The following CADM2 variants were observed in gnomAD, a reference collection of about 807,000 sequenced individuals.
The protein encoded by CADM2 is cell adhesion molecule 2.
A neutral mutation model predicts 49.8 loss-of-function variants in CADM2; 12 were observed. The observed-to-expected ratio is 0.24, with a 90% CI of 0.15 to 0.39. CADM2 has a LOEUF of 0.39. Ranked by LOEUF, CADM2 falls within the 10% of genes least tolerant of loss-of-function variation. CADM2 has a pLI of 1.00. For missense variants in CADM2, 378 were observed against 492.3 expected (o/e 0.77, Z 2.20); for synonymous variants, 214 against 175.4 (o/e 1.22, Z -1.74).
At chr3:85,554,436 G>A (rs1043196811) in intron 1 of CADM2, among the ~76,000 whole-genome samples, 2 of 149,500 alleles carry the variant, frequency 1.3e-5, no homozygotes, top group East Asian at 1.9e-4. Flanking sequence ...CCTGTTCTAG[G>A]CGTTCTTGGA....
intron 1 of CADM2, among the ~76,000 whole-genome samples, chr3:85,502,442 T>TA (rs1268518644): frequency 1.4e-4 from 21 of 151,970 alleles, no homozygotes; most frequent in African/African-American, 4.8e-4. Context: ...CAGGTCAGAT[T>TA]AAACTAGCTA....
chr3:85,512,007 T>G (rs1559878541), intron 1 of CADM2: 4 of 379,042 alleles, frequency 1.1e-5, no homozygotes, highest in Non-Finnish European at 1.4e-5. Flanking sequence ...TTTAAAATTT[T>G]TTTCAACTCT....
At chr3:85,098,676 A>C (rs2037896963) in intron 1 of CADM2, among the ~76,000 whole-genome samples, 1 of 152,210 alleles carries the variant, frequency 6.6e-6, no homozygotes, top group Admixed American at 6.5e-5. Context: ...TATTGGTTCC[A>C]GGATCACCCA....
intron 7 of CADM2, among the ~76,000 whole-genome samples, chr3:85,941,431 G>T (rs1346262824): frequency 6.6e-6 from 1 of 152,036 alleles, no homozygotes. Context: ...AAGGAATCCA[G>T]ACCGAAGTCA....
At chr3:85,489,462 T>C (rs576223607) in intron 1 of CADM2, among the ~76,000 whole-genome samples, 1 of 152,266 alleles carries the variant, frequency 6.6e-6, no homozygotes, top group African/African-American at 2.4e-5. Context: ...TCAATATACA[T>C]TTCTGCATTG....
chr3:85,427,353 T>C (rs960383626), intron 1 of CADM2, among the ~76,000 whole-genome samples: 2 of 151,904 alleles, frequency 1.3e-5, no homozygotes, highest in African/African-American at 2.4e-5. Flanking sequence ...TAAAATTGTC[T>C]TATGAGAAGA....
At position 85,005,019 on chromosome 3, in the gene CADM2, T is replaced by C. The variant is rs141828123; in HGVS notation, c.61+45351T>C. ...GCTCAAAAGAACTGTCAGTCTAATA[T>C]CATGAGAAACAACCTTTAATATCAG... On this transcript the variant is annotated intron_variant, in intron 1 of 9. Transcript: ENST00000383699. 6.3e-3 allele frequency among the ~76,000 whole-genome samples: 966 copies of C among 152,238 alleles called. 16 individuals are homozygous for C. The highest frequency in any genetic ancestry group is 0.022 in the African/African-American group (924 of 41,552).
chr3:85,155,048 C>G (rs1208682866), intron 1 of CADM2, among the ~76,000 whole-genome samples: 4 of 147,822 alleles, frequency 2.7e-5, no homozygotes, highest in Non-Finnish European at 4.4e-5. Context: ...GCAAAATAAC[C>G]AGCTAACATC....
At chr3:85,559,678 AC>A (rs5850697) in intron 1 of CADM2, among the ~76,000 whole-genome samples, 24,562 of 99,768 alleles carry the variant, frequency 0.25, 2,164 homozygotes, top group East Asian at 0.49. Context: ...ACACACACAC[AC>A]ACACACACAT....
intron 1 of CADM2, among the ~76,000 whole-genome samples, chr3:85,321,490 T>C (rs941043642): frequency 1.3e-4 from 20 of 152,000 alleles, no homozygotes; most frequent in African/African-American, 4.6e-4. Context: ...CAAACACTTA[T>C]TTTTATTTTA....
chr3:85,697,226 C>G (rs961532471), intron 1 of CADM2, among the ~76,000 whole-genome samples: 4 of 151,656 alleles, frequency 2.6e-5, no homozygotes, highest in Admixed American at 2.6e-4. Flanking sequence ...TCATAATTTT[C>G]TAGATTCAGA....
At chr3:85,131,955 T>C (rs1221055347) in intron 1 of CADM2, among the ~76,000 whole-genome samples, 1 of 151,414 alleles carries the variant, frequency 6.6e-6, no homozygotes. Flanking sequence ...TGCATATAGA[T>C]CAATAGTTAC....
At chr3:85,141,193 A>G (rs933338912) in intron 1 of CADM2, among the ~76,000 whole-genome samples, 1 of 152,162 alleles carries the variant, frequency 6.6e-6, no homozygotes, top group African/African-American at 2.4e-5. Flanking sequence ...AGTTTTCAAA[A>G]ACACAGACTC....
At chr3:85,598,885 C>A (rs1416576763) in intron 1 of CADM2, among the ~76,000 whole-genome samples, 1 of 151,366 alleles carries the variant, frequency 6.6e-6, no homozygotes, top group Non-Finnish European at 1.5e-5. Context: ...ATTTATTATA[C>A]ACACATAGAC....
At chr3:85,687,501 A>G (rs775720070) in intron 1 of CADM2, among the ~76,000 whole-genome samples, 1 of 152,190 alleles carries the variant, frequency 6.6e-6, no homozygotes, top group African/African-American at 2.4e-5. Flanking sequence ...TCATCTAAAA[A>G]TGGGAGATTT....
chr3:85,377,291 C>A (rs1162676307), intron 1 of CADM2, among the ~76,000 whole-genome samples: 1 of 152,024 alleles, frequency 6.6e-6, no homozygotes, highest in Non-Finnish European at 1.5e-5. Flanking sequence ...CCTGTGTTCC[C>A]AAGATAGCGG....
chr3:85,860,080 G>A (rs1453458482), intron 3 of CADM2, among the ~76,000 whole-genome samples: 1 of 151,976 alleles, frequency 6.6e-6, no homozygotes, highest in East Asian at 1.9e-4. Context: ...TATATTGTGA[G>A]CCTGTGACAT....
chr3:85,563,140 A>G (rs936486081), intron 1 of CADM2, among the ~76,000 whole-genome samples: 13 of 152,172 alleles, frequency 8.5e-5, no homozygotes, highest in Non-Finnish European at 4.4e-5. Flanking sequence ...TGGAAAATGA[A>G]CGTAATCAAT....
At chr3:85,353,141 T>C (rs1453193275) in intron 1 of CADM2, among the ~76,000 whole-genome samples, 5 of 152,114 alleles carry the variant, frequency 3.3e-5, no homozygotes, top group Non-Finnish European at 5.9e-5. Context: ...TATTTTTTTA[T>C]GCCTTGAAAA....
Sources: allele counts gnomAD v4.1 joint callset (sites outside exome capture counted in the v4.1 genomes callset), GRCh38; gene constraint gnomAD v4.1.1; transcripts MANE v1.5; gene names NCBI Gene and HGNC (gene_info 2026-07-23, HGNC 2026-07-21).